Variants in ASB4 observed in about 807,000 individuals in gnomAD.
ASB4 encodes the protein ankyrin repeat and SOCS box containing 4, also known as ankyrin repeat and SOCS box protein 4.
ASB4 carries 35 observed loss-of-function variants against 38.6 expected under a neutral mutation model. That is an observed-to-expected ratio of 0.91 (90% CI 0.69 to 1.20). The LOEUF (loss-of-function observed/expected upper bound fraction) is 1.20. Ranked by LOEUF, ASB4 falls within the 50% of genes most tolerant of loss-of-function variation. The pLI is 0.00. For synonymous variants in ASB4, 195 were observed against 201.3 expected (o/e 0.97, Z 0.26); for missense variants, 557 against 527.2 (o/e 1.06, Z -0.55).
Position 95,495,992 on chromosome 7 carries a change from A to G in ASB4, c.422A>G (p.His141Arg). The G allele has an allele frequency of 6.2e-7, 1 of 1,614,094 alleles. No homozygotes were observed. The highest frequency in any genetic ancestry group is 8.5e-7 in the Non-Finnish European group (1 of 1,179,952). The change falls in exon 2 of 5, where the codon CAC becomes CGC. Residue 141 changes from histidine to arginine, a missense_variant. His to Arg is a conservative substitution (Grantham distance 29, BLOSUM62 0). Transcript: ENST00000325885. ...CTCAATTGCTACTCCTTAAGTGGAC[A>G]CACAGCTTTGCACTTTTGTACAACT... is the stretch of plus-strand genomic sequence containing the variant. The part of the protein sequence containing the change: ...AKLNCYSLSG[H>R]TALHFCTTPS...
In ASB4 at chr7:95,508,935, G is replaced by A. The variant is rs537848014; in HGVS notation, c.487+12878G>A. Among the ~76,000 whole-genome samples the A allele has an allele frequency of 1.7e-4, 26 of 152,292 alleles. 1 individual carries two copies. Among genetic ancestry groups the A allele is most frequent in the Admixed American group, 1.5e-3 (23 of 15,296 alleles). On this transcript the variant is annotated intron_variant, in intron 2 of 4. Coordinates refer to ENST00000325885, the MANE Select transcript of ASB4 (RefSeq NM_016116.3). The stretch of plus-strand genomic sequence containing the variant: ...CAGAGAATTGGATATGTGAATCAGT[G>A]ATTTCTGGAGACAGATAAATTTCAG...
downstream of ASB4, chr7:95,543,811 G>A (rs1790999891): frequency 6.6e-6 from 1 of 152,100 alleles, no homozygotes; most frequent in Non-Finnish European, 1.5e-5. Flanking sequence ...CTCAAAGAGT[G>A]GGGAAGCACC....
intron 3 of ASB4, chr7:95,528,790 C>A: frequency 1.5e-6 from 1 of 671,576 alleles, no homozygotes; most frequent in Non-Finnish European, 1.8e-6. Flanking sequence ...AATAAGCACA[C>A]TGTTATAAGC....
At position 95,528,183 on chromosome 7, in the gene ASB4, T is replaced by C; in HGVS notation, c.858T>C (p.Cys286=). ...AEANLMDING[C]AAIQYVLKVT... is the part of the protein sequence containing the mutation. Reference sequence around the variant, plus strand: ...CCAATCTCATGGATATCAACGGCTGTGCTGCCATCCAGTACGTGCTGAAGG... The same window carrying C: ...CCAATCTCATGGATATCAACGGCTGCGCTGCCATCCAGTACGTGCTGAAGG... Residue 286 remains cysteine (C), a synonymous_variant, in exon 3 of 5, where the codon TGT becomes TGC. Transcript: ENST00000325885. The C allele has an allele frequency of 6.2e-7, 1 of 1,614,236 alleles. No homozygotes were observed. Among genetic ancestry groups the C allele is most frequent in the Non-Finnish European group, 8.5e-7 (1 of 1,180,044 alleles).
At chr7:95,544,844 G>C (rs1448191607), downstream of ASB4, among the ~76,000 whole-genome samples, 1 of 151,966 alleles carries the variant, frequency 6.6e-6, no homozygotes, top group Non-Finnish European at 1.5e-5. Flanking sequence ...ACAGGTGCAT[G>C]CCATCACGCC....
At chr7:95,532,610 A>G (rs1790834487) in intron 3 of ASB4, among the ~76,000 whole-genome samples, 1 of 152,172 alleles carries the variant, frequency 6.6e-6, no homozygotes, top group South Asian at 2.1e-4. Context: ...CTGAACACAT[A>G]TATATCAATA....
At chr7:95,483,049 T>A (rs925755968), upstream of ASB4, among the ~76,000 whole-genome samples, 3 of 152,202 alleles carry the variant, frequency 2.0e-5, no homozygotes, top group Admixed American at 2.0e-4. Context: ...ATCGTCCTTG[T>A]CAGCCGACGG....
At chr7:95,474,224 GT>G (rs1319731723), upstream of ASB4, among the ~76,000 whole-genome samples, 2 of 152,136 alleles carry the variant, frequency 1.3e-5, no homozygotes, top group Admixed American at 1.3e-4. Context: ...TGAACATTCA[GT>G]TTAATAATTG....
At chr7:95,549,974 A>G in the ASB4 span, among the ~76,000 whole-genome samples, 1 of 152,192 alleles carries the variant, frequency 6.6e-6, no homozygotes, top group Non-Finnish European at 1.5e-5. Context: ...AGGGTGAGTA[A>G]TCATGCCTGG....
intron 1 of ASB4, among the ~76,000 whole-genome samples, chr7:95,494,080 G>C (rs914796238): frequency 4.6e-5 from 7 of 152,110 alleles, no homozygotes; most frequent in African/African-American, 1.7e-4. Context: ...GCAATACAGT[G>C]GTCCTTTAGG....
At chr7:95,515,267 C>CTCTCTCTT (rs1790556851) in intron 2 of ASB4, among the ~76,000 whole-genome samples, 1 of 72,546 alleles carries the variant, frequency 1.4e-5, no homozygotes, top group Non-Finnish European at 2.9e-5. Context: ...TTCTTTCTTT[C>CTCTCTCTT]TCTTTCTTTC....
At chr7:95,528,975 T>C (rs1790783899) in intron 3 of ASB4, among the ~76,000 whole-genome samples, 1 of 152,148 alleles carries the variant, frequency 6.6e-6, no homozygotes, top group South Asian at 2.1e-4. Context: ...ACTCTTATGA[T>C]ATCACACTGC....
At chr7:95,549,081 A>G in the ASB4 span, among the ~76,000 whole-genome samples, 1 of 152,030 alleles carries the variant, frequency 6.6e-6, no homozygotes, top group Non-Finnish European at 1.5e-5. Flanking sequence ...TTAATTTTGG[A>G]CATGTTGATT....
At chr7:95,478,087 A>G (rs528931496), upstream of ASB4, among the ~76,000 whole-genome samples, 10 of 152,318 alleles carry the variant, frequency 6.6e-5, no homozygotes, top group South Asian at 1.7e-3. Flanking sequence ...GTTACAGAGG[A>G]CAGTCCAATT....
chr7:95,521,380 T>A (rs958018113), intron 2 of ASB4, among the ~76,000 whole-genome samples: 14 of 152,214 alleles, frequency 9.2e-5, no homozygotes, highest in African/African-American at 3.1e-4. Flanking sequence ...GCAAATTAAA[T>A]CAAAATACCA....
chr7:95,513,908 C>T (rs1241398141), intron 2 of ASB4, among the ~76,000 whole-genome samples: 1 of 152,166 alleles, frequency 6.6e-6, no homozygotes, highest in Non-Finnish European at 1.5e-5. Context: ...TGGTCCATTT[C>T]TCTAATTCTG....
At chr7:95,522,441 A>T (rs1375631502) in intron 2 of ASB4, among the ~76,000 whole-genome samples, 3 of 152,210 alleles carry the variant, frequency 2.0e-5, no homozygotes, top group African/African-American at 7.2e-5. Context: ...TCTTTCCTAA[A>T]TATTAACATA....
At chr7:95,472,650 G>A in the ASB4 span, among the ~76,000 whole-genome samples, 4 of 152,108 alleles carry the variant, frequency 2.6e-5, no homozygotes, top group Admixed American at 6.6e-5. Flanking sequence ...CAAGGTCCAC[G>A]TGCATAGCCT....
At chr7:95,502,646 A>G (rs1790357881) in intron 2 of ASB4, among the ~76,000 whole-genome samples, 1 of 152,186 alleles carries the variant, frequency 6.6e-6, no homozygotes, top group Admixed American at 6.5e-5. Flanking sequence ...TGGTCACATG[A>G]CCTGCAGTAC....
Sources: allele counts gnomAD v4.1 joint callset (sites outside exome capture counted in the v4.1 genomes callset), GRCh38; gene constraint gnomAD v4.1.1; transcripts MANE v1.5; gene names NCBI Gene and HGNC (gene_info 2026-07-23, HGNC 2026-07-21).